Variants in PTPRG observed in about 807,000 individuals in gnomAD.
The protein encoded by PTPRG is protein tyrosine phosphatase receptor type G, also known as receptor-type tyrosine-protein phosphatase gamma.
PTPRG carries 102 observed loss-of-function variants against 165.3 expected under a neutral mutation model. The ratio of observed to expected loss-of-function variants is 0.62; its 90% CI spans 0.53 to 0.73. PTPRG has a LOEUF of 0.73. PTPRG is among the 30% of genes least tolerant of loss of function. The pLI is 0.00. For synonymous variants in PTPRG, 675 were observed against 669.5 expected (o/e 1.01, Z -0.13); for missense variants, 1,866 against 1,861.4 (o/e 1.00, Z -0.05).
chr3:62,095,380 C>A lies in PTPRG; in HGVS notation c.615+17122C>A, dbSNP rs191091480. On this transcript the variant is annotated intron_variant, in intron 5 of 29. Transcript: ENST00000474889. ...TGGACTTAGGAGGCTCTCTGGGATA[C>A]AAATGACAGCAGTTAGAGGTTACAC... Among the ~76,000 whole-genome samples the A allele has an allele frequency of 2.3e-3, 356 of 152,264 alleles. 3 individuals are homozygous for A. The highest frequency in any genetic ancestry group is 4.3e-3 in the Non-Finnish European group (295 of 68,018).
rs568581013 is a variant in PTPRG at position 61,956,160 on chromosome 3, T to C, written c.191-33465T>C. On this transcript the variant is annotated intron_variant, in intron 2 of 29. Transcript: ENST00000474889. ...TGTATGTCTTTATCTCCAACAGATA[T>C]GTGATTATCCTCCAGAGAGGACCAT... is the stretch of plus-strand genomic sequence containing the variant. 2.6e-5 allele frequency among the ~76,000 whole-genome samples: 4 copies of C among 152,156 alleles called. No individual in the cohort carries two copies. In the East Asian group the frequency reaches 5.8e-4, roughly 22 times the overall value.
chr3:61,854,806 C>T (rs772193368), intron 2 of PTPRG, among the ~76,000 whole-genome samples: 27 of 152,118 alleles, frequency 1.8e-4, no homozygotes, highest in Non-Finnish European at 3.7e-4. Context: ...ATATGAGGGT[C>T]CTAGAGAAGG....
chr3:61,687,194 T>C (rs1258452953), intron 1 of PTPRG, among the ~76,000 whole-genome samples: 1 of 152,158 alleles, frequency 6.6e-6, no homozygotes, highest in African/African-American at 2.4e-5. Context: ...TTGAAGGAAA[T>C]GTTTGGAATG....
chr3:61,927,846 G>A (rs530199397), intron 2 of PTPRG, among the ~76,000 whole-genome samples: 2 of 152,268 alleles, frequency 1.3e-5, no homozygotes, highest in East Asian at 3.9e-4. Context: ...TGAAGATACA[G>A]TTCCTCTGTA....
intron 4 of PTPRG, among the ~76,000 whole-genome samples, chr3:62,022,206 G>A (rs188808391): frequency 6.6e-6 from 1 of 152,216 alleles, no homozygotes; most frequent in Non-Finnish European, 1.5e-5. Flanking sequence ...GTAGTACTAT[G>A]TATGTTATAG....
In PTPRG at chr3:62,281,550, T is replaced by TTTTTTTTTTTTTTC; in HGVS notation, c.3766-12_3766-11insTTTTTTTTTTTTCT. 1 of 1,466,562 alleles carries TTTTTTTTTTTTTTC rather than the reference T, an allele frequency of 6.8e-7. No individual in the cohort carries two copies. The highest frequency in any genetic ancestry group is 9.2e-7 in the Non-Finnish European group (1 of 1,092,610). The allele number at this position is 1,466,562 out of a possible 1,614,324, so 90.8% of individuals were successfully genotyped here. On this transcript the variant is annotated splice_polypyrimidine_tract_variant and intron_variant, in intron 26 of 29. Transcript: ENST00000474889. ...AGAACTGCAGAGGCTTTTTTTTTTT[T>TTTTTTTTTTTTTTC]TGGATTCCAAAGGCAGAAGATGAGT...
At chr3:61,929,964 C>G (rs748623703) in intron 2 of PTPRG, among the ~76,000 whole-genome samples, 1 of 151,396 alleles carries the variant, frequency 6.6e-6, no homozygotes, top group Non-Finnish European at 1.5e-5. Flanking sequence ...TTAATTAAAA[C>G]TATTAGTAAT....
intron 1 of PTPRG, among the ~76,000 whole-genome samples, chr3:61,576,383 C>T (rs971952165): frequency 6.6e-6 from 1 of 152,176 alleles, no homozygotes; most frequent in African/African-American, 2.4e-5. Context: ...GTCACACCCC[C>T]TAGGTGCATA....
At chr3:61,716,088 T>G (rs999300669) in intron 1 of PTPRG, among the ~76,000 whole-genome samples, 1 of 152,162 alleles carries the variant, frequency 6.6e-6, no homozygotes, top group African/African-American at 2.4e-5. Context: ...GAAATGGCTC[T>G]AAGCTCTCAG....
intron 5 of PTPRG, among the ~76,000 whole-genome samples, chr3:62,108,964 G>A (rs201931773): frequency 0.72 from 109,554 of 151,546 alleles, 39,874 homozygotes; most frequent in Middle Eastern, 0.8. Context: ...ATAGATTGCA[G>A]AATTGCAGAA....
chr3:62,114,548 T>C (rs939853733), intron 5 of PTPRG, among the ~76,000 whole-genome samples: 7 of 152,194 alleles, frequency 4.6e-5, no homozygotes, highest in Non-Finnish European at 1.0e-4. Flanking sequence ...GCCAAAGTAC[T>C]TCATATACTT....
At chr3:61,691,781 C>G (rs946697360) in intron 1 of PTPRG, among the ~76,000 whole-genome samples, 1 of 152,204 alleles carries the variant, frequency 6.6e-6, no homozygotes, top group Non-Finnish European at 1.5e-5. Flanking sequence ...ATGGTAGCAT[C>G]AAGTATTTCA....
At chr3:62,092,450 AAAAAAAAAAG>A (rs981462666) in intron 5 of PTPRG, among the ~76,000 whole-genome samples, 1 of 150,848 alleles carries the variant, frequency 6.6e-6, no homozygotes, top group African/African-American at 2.5e-5. Flanking sequence ...AAAAAAAAAA[AAAAAAAAAAG>A]AAAAAGACAA....
At chr3:62,268,887 C>T (rs1701969547) in intron 19 of PTPRG, 148 bp from the exon 20 acceptor site, 1 of 820,230 alleles carries the variant, frequency 1.2e-6, no homozygotes, top group Non-Finnish European at 1.7e-6. Flanking sequence ...GTCACACCTG[C>T]CTTTAAGCAG....
At chr3:61,799,061 A>G (rs555391760) in intron 2 of PTPRG, among the ~76,000 whole-genome samples, 8 of 152,272 alleles carry the variant, frequency 5.3e-5, no homozygotes, top group Non-Finnish European at 1.0e-4. Context: ...TTTGATTTAT[A>G]GAACTCTACT....
chr3:61,857,060 A>G (rs1347974595), intron 2 of PTPRG, among the ~76,000 whole-genome samples: 7 of 149,048 alleles, frequency 4.7e-5, no homozygotes, highest in Non-Finnish European at 3.0e-5. Flanking sequence ...TTCCCATCCT[A>G]TTTTCCTATT....
chr3:62,078,103 C>A, intron 4 of PTPRG, 60 bp from the exon 5 acceptor site: 3 of 1,203,640 alleles, frequency 2.5e-6, no homozygotes, highest in South Asian at 1.4e-5. Context: ...GTACTATTCT[C>A]TCAACTTTTT....
intron 3 of PTPRG, among the ~76,000 whole-genome samples, chr3:61,992,801 C>T (rs570934614): frequency 2.0e-5 from 3 of 151,878 alleles, no homozygotes; most frequent in Non-Finnish European, 2.9e-5. Flanking sequence ...GGATTACAGG[C>T]GTGAGCCACC....
intron 1 of PTPRG, among the ~76,000 whole-genome samples, chr3:61,672,502 GC>G (rs893052266): frequency 2.5e-4 from 37 of 147,706 alleles, no homozygotes; most frequent in Non-Finnish European, 4.5e-4. Flanking sequence ...CGGATCACTC[GC>G]GGTTAGGAGC....
Sources: allele counts gnomAD v4.1 joint callset (sites outside exome capture counted in the v4.1 genomes callset), GRCh38; gene constraint gnomAD v4.1.1; transcripts MANE v1.5; gene names NCBI Gene and HGNC (gene_info 2026-07-23, HGNC 2026-07-21).